The following ESF1 variants were observed in gnomAD, a reference collection of about 807,000 sequenced individuals.
ESF1 encodes the protein ESF1 nucleolar pre-rRNA processing protein, also known as ESF1 homolog.
In ESF1, 58 loss-of-function variants were observed where a neutral mutation model predicts 92.0. The observed-to-expected ratio is 0.63, with a 90% CI of 0.51 to 0.78. The LOEUF is 0.78. Ranked by LOEUF, ESF1 falls within the 30% of genes least tolerant of loss-of-function variation. The pLI, the probability that ESF1 is intolerant of heterozygous loss-of-function variation, is 0.00. For missense variants in ESF1, 922 were observed against 989.1 expected (o/e 0.93, Z 0.91); for synonymous variants, 321 against 313.7 (o/e 1.02, Z -0.24).
chr20:13,730,530 C>A (rs1399550375), intron 10 of ESF1, among the ~76,000 whole-genome samples: 1 of 151,798 alleles, frequency 6.6e-6, no homozygotes, highest in African/African-American at 2.4e-5. Context: ...ACCACAGGTG[C>A]CCGCCACCAC....
intron 9 of ESF1, among the ~76,000 whole-genome samples, chr20:13,740,336 C>A (rs1036530690): frequency 1.3e-5 from 2 of 151,906 alleles, no homozygotes; most frequent in African/African-American, 4.8e-5. Context: ...TATATCAGCA[C>A]TTTTAAAAAA....
intron 9 of ESF1, among the ~76,000 whole-genome samples, chr20:13,735,201 A>G (rs2049968429): frequency 6.6e-6 from 1 of 152,114 alleles, no homozygotes; most frequent in African/African-American, 2.4e-5. Flanking sequence ...TTGAGCTTCA[A>G]CCAACAGTTT....
In ESF1 at chr20:13,782,837, T is replaced by C. The variant is rs760687853; in HGVS notation, c.304A>G (p.Lys102Glu). Residue 102 changes from lysine to glutamate, a missense_variant, in exon 2 of 14, where the codon AAA becomes GAA. Transcript: ENST00000617257. ...AGATTTTTTGAATCGATTTCTTTTT[T>C]AGTCTGGGTTTTTTTCTTCTTTATT... is the stretch of plus-strand genomic sequence containing the variant. ...KKIKKKKTQT[K>E]KEIDSKNLVE... is the part of the protein sequence containing the mutation. The C allele has an allele frequency of 5.6e-6, 9 of 1,603,056 alleles. No individual in the cohort carries two copies. Among genetic ancestry groups the C allele is most frequent in the South Asian group, 4.6e-5 (4 of 87,034 alleles).
At chr20:13,781,762 T>G (rs921612631) in intron 2 of ESF1, among the ~76,000 whole-genome samples, 1 of 152,246 alleles carries the variant, frequency 6.6e-6, no homozygotes, top group East Asian at 1.9e-4. Context: ...GACGCCTTAC[T>G]CATATTCTGC....
intron 7 of ESF1, among the ~76,000 whole-genome samples, chr20:13,768,875 C>T (rs185467967): frequency 7.9e-5 from 10 of 126,076 alleles, no homozygotes; most frequent in African/African-American, 1.5e-4. Context: ...CCAGCCTGGG[C>T]GACAGAGCAA....
At chr20:13,738,420 C>A (rs2049990377) in intron 9 of ESF1, among the ~76,000 whole-genome samples, 1 of 151,654 alleles carries the variant, frequency 6.6e-6, no homozygotes, top group South Asian at 2.1e-4. Context: ...CTCAAGCAAT[C>A]TTCCCACCTC....
At chr20:13,769,870 A>C in intron 7 of ESF1, 37 bp downstream of exon 7, 1 of 1,254,774 alleles carries the variant, frequency 8.0e-7, no homozygotes, top group Non-Finnish European at 1.2e-6. Flanking sequence ...ATAAAGCAAT[A>C]GAGTCCAGCT....
At chr20:13,758,470 A>G (rs1180324421) in intron 9 of ESF1, among the ~76,000 whole-genome samples, 1 of 152,228 alleles carries the variant, frequency 6.6e-6, no homozygotes, top group Non-Finnish European at 1.5e-5. Flanking sequence ...ATTTACTACA[A>G]TAGCCAGTGT....
rs1003988832 is a variant in ESF1 at position 13,719,499 on chromosome 20, A to G, written c.2039-515T>C. ...TCCTACACAATAAAAATGATGAAAC[A>G]GTATATAATAAAATATAGCATCATC... On this transcript the variant is annotated intron_variant, in intron 11 of 13. Coordinates refer to ENST00000617257, the MANE Select transcript of ESF1 (RefSeq NM_001276380.2). 3.0e-4 allele frequency among the ~76,000 whole-genome samples: 45 copies of G among 152,176 alleles called. 1 individual carries two copies. Among genetic ancestry groups the G allele is most frequent in the African/African-American group, 1.1e-3 (44 of 41,482 alleles).
chr20:13,755,103 T>C (rs1039682326), intron 9 of ESF1, among the ~76,000 whole-genome samples: 3 of 152,318 alleles, frequency 2.0e-5, no homozygotes, highest in African/African-American at 7.2e-5. Context: ...AGTTCAGGGA[T>C]TTTTATGTTT....
At chr20:13,752,979 C>G (rs1006926232) in intron 9 of ESF1, among the ~76,000 whole-genome samples, 1 of 152,152 alleles carries the variant, frequency 6.6e-6, no homozygotes, top group African/African-American at 2.4e-5. Context: ...CTCTAGTTTT[C>G]TGGTTTCCAT....
At chr20:13,779,714 T>C (rs187929619) in intron 2 of ESF1, among the ~76,000 whole-genome samples, 15 of 152,314 alleles carry the variant, frequency 9.8e-5, no homozygotes, top group African/African-American at 3.6e-4. Context: ...TTTGTATTTT[T>C]AGTAGAGACC....
rs142512899 is a variant in ESF1, at chr20:13,759,199, G to C, written c.1828+493C>G. On this transcript the variant is annotated intron_variant, in intron 9 of 13. Coordinates refer to ENST00000617257, the MANE Select transcript of ESF1 (RefSeq NM_001276380.2). ...CCAGCTTTTATCTTTGTTTAGCTTT[G>C]ACATGATTTTAATTAGTTTTGTACT... 3.1e-3 allele frequency among the ~76,000 whole-genome samples: 476 copies of C among 152,222 alleles called. 14 individuals carry two copies. Among genetic ancestry groups the C allele is most frequent in the Admixed American group, 0.029 (443 of 15,298 alleles).
At chr20:13,742,213 A>T (rs1362832786) in intron 9 of ESF1, among the ~76,000 whole-genome samples, 3 of 152,092 alleles carry the variant, frequency 2.0e-5, no homozygotes, top group Non-Finnish European at 4.4e-5. Flanking sequence ...CTAAAAATAC[A>T]AAAAATTAGC....
chr20:13,765,900 T>C (rs942444352), intron 8 of ESF1, among the ~76,000 whole-genome samples: 2 of 152,144 alleles, frequency 1.3e-5, no homozygotes, highest in African/African-American at 4.8e-5. Flanking sequence ...ACATGAAATA[T>C]TAAAACAGAG....
intron 7 of ESF1, among the ~76,000 whole-genome samples, chr20:13,769,501 T>A (rs1979582797): frequency 6.6e-6 from 1 of 152,204 alleles, no homozygotes. Context: ...TTGAATACTT[T>A]GAGGCTGGGA....
chr20:13,755,681 T>C (rs1978860690), intron 9 of ESF1, among the ~76,000 whole-genome samples: 1 of 152,206 alleles, frequency 6.6e-6, no homozygotes, highest in South Asian at 2.1e-4. Context: ...TAATCCTAAT[T>C]AATAAAATTG....
At chr20:13,777,984 G>A (rs1463496170) in intron 2 of ESF1, among the ~76,000 whole-genome samples, 3 of 152,230 alleles carry the variant, frequency 2.0e-5, no homozygotes, top group South Asian at 2.1e-4. Context: ...AGGGAAAAGA[G>A]AGAAGATTTG....
rs1282025533 is a variant in ESF1 at position 13,759,782 on chromosome 20, C to A, written c.1738G>T (p.Ala580Ser). 1 of 1,589,928 alleles carries A rather than the reference C, an allele frequency of 6.3e-7. No individual in the cohort carries two copies. Among genetic ancestry groups the A allele is most frequent in the South Asian group, 1.2e-5 (1 of 86,570 alleles). ...KSQKDDEEQI[A>S]KYRQLLQVIQ... is the part of the protein sequence containing the mutation. The stretch of plus-strand genomic sequence containing the variant: ...ACCTGCAAGAGCTGCCTGTATTTAG[C>A]AATTTGTTCTTCATCATCCTTCTGA... Residue 580 changes from alanine to serine, a missense_variant, in exon 9 of 14, where the codon GCT (alanine) becomes TCT (serine). Transcript: ENST00000617257.
Sources: allele counts gnomAD v4.1 joint callset (sites outside exome capture counted in the v4.1 genomes callset), GRCh38; gene constraint gnomAD v4.1.1; transcripts MANE v1.5; gene names NCBI Gene and HGNC (gene_info 2026-07-23, HGNC 2026-07-21).